TMEM184A: variants seen among roughly 807,000 people sequenced by gnomAD.
TMEM184A encodes transmembrane protein 184A, also known as sexually dimorphic, expressed in male gonads 1.
A neutral mutation model predicts 39.5 loss-of-function variants in TMEM184A; 40 were observed. That is an observed-to-expected ratio of 1.01 (90% confidence interval 0.79 to 1.32). The LOEUF (loss-of-function observed/expected upper bound fraction) is 1.32, where lower values mean the gene tolerates loss of function less well. Among genes scored for constraint, TMEM184A ranks in the 40% most tolerant of loss-of-function variants. The pLI, the probability that TMEM184A is intolerant of heterozygous loss-of-function variation, is 0.00. For missense variants in TMEM184A, 603 were observed against 568.8 expected, an observed-to-expected ratio of 1.06 and a Z score of -0.61; for synonymous variants, 280 against 252.3, an observed-to-expected ratio of 1.11 and a Z score of -1.04.
intron 8 of TMEM184A, 133 bp from the exon 9 acceptor site, chr7:1,547,314 C>G (rs1467645138): frequency 3.1e-6 from 2 of 634,952 alleles, no homozygotes; most frequent in African/African-American, 3.7e-5. Context: ...AGGGTGGCCC[C>G]AGACCCCTGG....
chr7:1,550,670 C>T, intron 3 of TMEM184A, 147 bp downstream of exon 3: 1 of 1,073,544 alleles, frequency 9.3e-7, no homozygotes, highest in South Asian at 1.5e-5. Flanking sequence ...CCTGCCAGCG[C>T]CGCTAACCCT....
chr7:1,547,334 C>G (rs1583212749), intron 8 of TMEM184A, among the ~76,000 whole-genome samples, 153 bp from the exon 9 acceptor site: 1 of 152,068 alleles, frequency 6.6e-6, no homozygotes, highest in African/African-American at 2.4e-5. Flanking sequence ...GACCCCAGCC[C>G]AGCTTGCTCC....
At chr7:1,553,159 A>T (rs575705188) in intron 2 of TMEM184A, among the ~76,000 whole-genome samples, 12 of 151,432 alleles carry the variant, frequency 7.9e-5, no homozygotes, top group Admixed American at 7.2e-4. Context: ...TTTAATTATT[A>T]TTTTTTTTAT....
rs1263411576 is a variant in TMEM184A, at chr7:1,555,327, G to T, written c.158C>A (p.Ala53Glu). ...QGAPWLFLTS[A>E]LARGVSGIFV... The stretch of plus-strand genomic sequence containing the variant: ...GATCCCCGAGACGCCTCGGGCCAGT[G>T]CGGAGGTGAGGAAGAGCCAGGGGGC... The change falls in exon 2 of 9, where the codon GCA becomes GAA. Residue 53 changes from alanine to glutamate, a missense_variant. Physicochemically the swap from Ala to Glu is moderately radical, Grantham distance 107 (BLOSUM62 -1). Coordinates refer to ENST00000297477, the MANE Select transcript of TMEM184A (RefSeq NM_001097620.2). This position sits in a 1 kb window ranked among gnomAD's most constrained non-coding sequence, Gnocchi z 5.2. 6.2e-7 allele frequency: 1 copy of T among 1,610,566 alleles called. No homozygotes were observed. Among genetic ancestry groups the T allele is most frequent in the East Asian group, 2.2e-5 (1 of 44,796 alleles).
At position 1,547,908 on chromosome 7, in the gene TMEM184A, C is replaced by G; in HGVS notation, c.846G>C (p.Gly282=). The G allele has an allele frequency of 1.9e-6, 3 of 1,587,346 alleles. No individual in the cohort carries two copies. Among genetic ancestry groups the G allele is most frequent in the Non-Finnish European group, 2.6e-6 (3 of 1,167,740 alleles). The change falls in exon 8 of 9, where the codon GGG becomes GGC. Residue 282 remains glycine, a synonymous_variant. Coordinates refer to ENST00000297477, the MANE Select transcript of TMEM184A (RefSeq NM_001097620.2). ...CGCTGGTCTCCACCTCCGGGATGAC[C>G]CCGCACCGCTCCAGGATGGCCAGCA... is the stretch of plus-strand genomic sequence containing the variant. ...GLLLAILERC[G]VIPEVETSGG... is the part of the protein sequence containing the mutation.
At chr7:1,553,462 T>C (rs1245460168) in intron 2 of TMEM184A, among the ~76,000 whole-genome samples, 1 of 152,138 alleles carries the variant, frequency 6.6e-6, no homozygotes, top group Non-Finnish European at 1.5e-5. Flanking sequence ...CGATTTTCCA[T>C]GTTTTCTGTG....
chr7:1,544,034 C>G lies in TMEM184A; in HGVS notation c.*2918G>C, dbSNP rs1784266643. ...GTGGAGGTGAGTGTGCAACAGCTGGCACATAGCGCAGTGAGTGTTGAATCT... is the reference window on the plus strand; with the variant it reads ...GTGGAGGTGAGTGTGCAACAGCTGGGACATAGCGCAGTGAGTGTTGAATCT... On this transcript the variant is annotated 3_prime_UTR_variant, in exon 9 of 9. Transcript: ENST00000297477. 1 of 152,312 alleles carries G rather than the reference C, an allele frequency of 6.6e-6. No individual in the cohort carries two copies. Among genetic ancestry groups the G allele is most frequent in the Admixed American group, 6.5e-5 (1 of 15,282 alleles). 9.4% of individuals were successfully genotyped at this position (152,312 alleles called of 1,614,324 possible).
intron 2 of TMEM184A, among the ~76,000 whole-genome samples, chr7:1,552,599 C>G (rs942984930): frequency 6.6e-6 from 1 of 150,666 alleles, no homozygotes; most frequent in African/African-American, 2.4e-5. Context: ...CTCACTCATT[C>G]CTTCATTCAG....
At position 1,542,817 on chromosome 7, in the gene TMEM184A, A is replaced by G. The variant is rs1300786191; in HGVS notation, c.*4135T>C. ...GCCCCCTATGCCGCCACGCCGCCAC[A>G]CCGCCTCACCCTGGCTTCTGTGCTA... On this transcript the variant is annotated 3_prime_UTR_variant, in exon 9 of 9. Transcript: ENST00000297477. 6.6e-6 allele frequency: 1 copy of G among 152,498 alleles called. No individual in the cohort carries two copies. Among genetic ancestry groups the G allele is most frequent in the Non-Finnish European group, 1.5e-5 (1 of 68,022 alleles). The allele number at this position is 152,498 out of a possible 1,614,324, so 9.4% of individuals were successfully genotyped here. A position where few individuals can be genotyped will look rare whatever the true frequency, so the allele number is the denominator to read the frequency against.
chr7:1,551,167 G>T (rs1421814082), intron 2 of TMEM184A, among the ~76,000 whole-genome samples, 185 bp from the exon 3 acceptor site: 1 of 73,822 alleles, frequency 1.4e-5, no homozygotes, highest in Non-Finnish European at 2.9e-5. Flanking sequence ...GAGGGTTCGC[G>T]TGAGAGCCGG....
At chr7:1,551,588 TA>T (rs1784600548) in intron 2 of TMEM184A, among the ~76,000 whole-genome samples, 1 of 152,256 alleles carries the variant, frequency 6.6e-6, no homozygotes, top group Non-Finnish European at 1.5e-5. Flanking sequence ...AGTATGAATG[TA>T]TATGTTAAAT....
rs61745815 is a variant in TMEM184A, at chr7:1,547,883, C to T, written c.871G>A (p.Gly291Ser). 277 of 1,598,798 alleles carry T rather than the reference C, an allele frequency of 1.7e-4. 1 individual carries two copies. The African/African-American group carries it at 3.3e-3, about 19-fold the overall frequency. ...GTGCCAGCCCCCAGCTTGTTCCCGC[C>T]GCTGGTCTCCACCTCCGGGATGACC... ...CGVIPEVETS[G>S]GNKLGAGTLA... The change falls in exon 8 of 9, where the codon GGC becomes AGC. Residue 291 changes from glycine (G) to serine (S), a missense_variant. Gly to Ser is a moderately conservative substitution (Grantham distance 56). Transcript: ENST00000297477.
At position 1,555,319 on chromosome 7, in the gene TMEM184A, G is replaced by A. The variant is rs755740574; in HGVS notation, c.166C>T (p.Arg56Ter). 5.7e-5 allele frequency: 92 copies of A among 1,608,760 alleles called. No homozygotes were observed. In the Middle Eastern group the frequency reaches 2.2e-3, roughly 38 times the overall value. Residue 56 changes from arginine to a stop codon, truncating the protein, a stop_gained, in exon 2 of 9, where the codon CGA (arginine) becomes TGA (stop). Transcript: ENST00000297477. LOFTEE classifies it high-confidence loss of function. The surrounding 1 kb of genome is among the most constrained non-coding windows in gnomAD (Gnocchi z 5.2). ...PWLFLTSALARGVSGIFVWTA... is the reference protein window; with the variant it reads ...PWLFLTSALA Reference sequence around the variant, plus strand: ...CACACGAAGATCCCCGAGACGCCTCGGGCCAGTGCGGAGGTGAGGAAGAGC... The same window carrying A: ...CACACGAAGATCCCCGAGACGCCTCAGGCCAGTGCGGAGGTGAGGAAGAGC...
intron 7 of TMEM184A, 90 bp from the exon 8 acceptor site, chr7:1,548,029 G>T: frequency 7.1e-7 from 1 of 1,413,658 alleles, no homozygotes; most frequent in Non-Finnish European, 9.6e-7. Context: ...TCCTCTGACG[G>T]GTGCTGTGAC....
chr7:1,546,916 G>A lies in TMEM184A; in HGVS notation c.*36C>T. ...CTGTTCTTCCCCAGAGGCCTGGGCAGCCTGGGTCCCTACAGCACTGGCAGC... is the reference window on the plus strand; with the variant it reads ...CTGTTCTTCCCCAGAGGCCTGGGCAACCTGGGTCCCTACAGCACTGGCAGC... On this transcript the variant is annotated 3_prime_UTR_variant, in exon 9 of 9. Transcript: ENST00000297477. 7.1e-7 allele frequency: 1 copy of A among 1,415,338 alleles called. No homozygotes were observed. The highest frequency in any genetic ancestry group is 2.5e-5 in the Admixed American group (1 of 39,972). 87.7% of individuals were successfully genotyped at this position (1,415,338 alleles called of 1,614,324 possible).
At chr7:1,550,267 G>C (rs375368724) in intron 4 of TMEM184A, 38 bp downstream of exon 4, 5 of 1,609,830 alleles carry the variant, frequency 3.1e-6, no homozygotes, top group Admixed American at 1.7e-5. Context: ...CCTGTCCCAG[G>C]TGTGTGGGGT....
chr7:1,546,969 G>A lies in TMEM184A; in HGVS notation c.1225C>T (p.Pro409Ser), dbSNP rs748216212. ...SRSLEKRMLI[P>S]SEDL is the part of the protein sequence containing the mutation. Reference sequence around the variant, plus strand: ...AGGCCCCCCTACAGGTCCTCCGAGGGGATCAGCATCCGCTTCTCCAGGCTC... The same window carrying A: ...AGGCCCCCCTACAGGTCCTCCGAGGAGATCAGCATCCGCTTCTCCAGGCTC... Residue 409 changes from proline to serine, a missense_variant, in exon 9 of 9, where the codon CCC becomes TCC. By Grantham distance (74) the Pro-to-Ser change is moderately conservative. Transcript: ENST00000297477. 1.5e-4 allele frequency: 245 copies of A among 1,588,902 alleles called. 2 individuals are homozygous for A. The highest frequency in any genetic ancestry group is 2.0e-4 in the Non-Finnish European group (233 of 1,173,726).
intron 6 of TMEM184A, chr7:1,549,602 G>T (rs1459058948): frequency 3.3e-6 from 2 of 611,572 alleles, no homozygotes; most frequent in East Asian, 7.2e-5. Flanking sequence ...AGGCACCGAG[G>T]TCCTTGTGGA....
At chr7:1,547,222 ACTCCAGCTC>A (rs2128554174) in intron 8 of TMEM184A, 41 bp from the exon 9 acceptor site, 1 of 1,211,370 alleles carries the variant, frequency 8.3e-7, no homozygotes, top group Non-Finnish European at 1.2e-6. Flanking sequence ...TCCCCCCTGC[ACTCCAGCTC>A]CCCGGACAAG....
Sources: gnomAD v4.1 joint callset for allele counts (sites outside exome capture counted in the v4.1 genomes callset) on GRCh38, gnomAD v4.1.1 for gene constraint, Gnocchi (gnomAD v3.1) non-coding constraint, MANE v1.5 for transcripts, NCBI Gene and HGNC (gene_info 2026-07-23, HGNC 2026-07-21) for gene names.